The following FSTL5 variants were observed in gnomAD, a reference collection of about 807,000 sequenced individuals.
FSTL5 encodes follistatin-related protein 5.
In FSTL5, 62 loss-of-function variants were observed where a neutral mutation model predicts 89.1. The ratio of observed to expected loss-of-function variants is 0.70; its 90% CI spans 0.57 to 0.86. The LOEUF (loss-of-function observed/expected upper bound fraction) is 0.86. FSTL5 is among the 40% of genes least tolerant of loss of function. The probability of loss-of-function intolerance (pLI) is 0.00; values close to 1 mark genes in which losing one functional copy is unlikely to be tolerated. For missense variants in FSTL5, 1,057 were observed against 1,001.6 expected (o/e 1.06, Z -0.75); for synonymous variants, 383 against 346.2 (o/e 1.11, Z -1.18).
At chr4:162,040,407 T>A (rs181408873) in intron 2 of FSTL5, among the ~76,000 whole-genome samples, 1 of 152,046 alleles carries the variant, frequency 6.6e-6, no homozygotes, top group Non-Finnish European at 1.5e-5. Flanking sequence ...TGAATACTCA[T>A]GAACATGTGA....
At chr4:161,457,871 T>C (rs761411271) in intron 14 of FSTL5, among the ~76,000 whole-genome samples, 2 of 152,166 alleles carry the variant, frequency 1.3e-5, no homozygotes, top group Non-Finnish European at 2.9e-5. Flanking sequence ...GATTGTGCTT[T>C]TTCAATCAAG....
intron 3 of FSTL5, among the ~76,000 whole-genome samples, chr4:161,944,038 TC>T (rs1734669562): frequency 2.0e-5 from 3 of 152,126 alleles, no homozygotes; most frequent in Admixed American, 2.0e-4. Context: ...TAAAATAATT[TC>T]CAACCTTTTA....
At chr4:162,019,167 T>C (rs1042953162) in intron 3 of FSTL5, among the ~76,000 whole-genome samples, 4 of 152,044 alleles carry the variant, frequency 2.6e-5, no homozygotes, top group Non-Finnish European at 5.9e-5. Context: ...TTGAGGGAAA[T>C]GAAATTTTGG....
At chr4:161,907,543 A>C (rs1579184790) in intron 4 of FSTL5, among the ~76,000 whole-genome samples, 1 of 152,228 alleles carries the variant, frequency 6.6e-6, no homozygotes, top group East Asian at 1.9e-4. Context: ...TTTTCTCCTT[A>C]TAATATTCAC....
Position 161,545,958 on chromosome 4 carries a change from C to A in FSTL5, c.1016-3265G>T, listed in dbSNP as rs1218665619. ...TTAAAAAGCCACAAAATTCTGGTAA[C>A]TGGAGTTATTCATCTAGGCTTCCTG... On this transcript the variant is annotated intron_variant, in intron 8 of 15. Transcript: ENST00000306100. 6.8e-4 allele frequency among the ~76,000 whole-genome samples: 103 copies of A among 151,790 alleles called. 1 individual carries two copies. Among genetic ancestry groups the A allele is most frequent in the Admixed American group, 6.7e-3 (102 of 15,164 alleles).
intron 15 of FSTL5, among the ~76,000 whole-genome samples, chr4:161,394,433 GC>G (rs1730932128): frequency 6.6e-6 from 1 of 151,898 alleles, no homozygotes. Context: ...GTGCCACCGT[GC>G]CCGGCAAATT....
intron 15 of FSTL5, among the ~76,000 whole-genome samples, chr4:161,412,846 T>C (rs1226749542): frequency 5.3e-5 from 8 of 152,184 alleles, no homozygotes; most frequent in Non-Finnish European, 1.2e-4. Context: ...TATACAGTGC[T>C]GGGATAACTG....
intron 6 of FSTL5, among the ~76,000 whole-genome samples, chr4:161,693,989 T>G (rs1738047342): frequency 1.3e-5 from 2 of 152,086 alleles, no homozygotes; most frequent in Non-Finnish European, 2.9e-5. Context: ...TATCTCCATT[T>G]TTATTTATTT....
chr4:161,906,398 G>A (rs914935057), intron 4 of FSTL5, among the ~76,000 whole-genome samples: 2 of 152,096 alleles, frequency 1.3e-5, no homozygotes, highest in African/African-American at 4.8e-5. Context: ...AATTGTTCCA[G>A]TTGCTCTAAT....
At chr4:161,875,075 T>C (rs558756617) in intron 4 of FSTL5, among the ~76,000 whole-genome samples, 194 of 152,320 alleles carry the variant, frequency 1.3e-3, no homozygotes, top group African/African-American at 4.6e-3. Context: ...ACTGTATATC[T>C]ACAGATATTA....
chr4:162,033,243 T>G (rs1737605400), intron 3 of FSTL5, among the ~76,000 whole-genome samples: 1 of 152,176 alleles, frequency 6.6e-6, no homozygotes, highest in African/African-American at 2.4e-5. Context: ...ATTAACTAGA[T>G]GGCAGTGACT....
chr4:161,858,612 T>G (rs1731800511), intron 4 of FSTL5, among the ~76,000 whole-genome samples: 1 of 152,236 alleles, frequency 6.6e-6, no homozygotes, highest in South Asian at 2.1e-4. Flanking sequence ...TCTCCACCTT[T>G]GAAATGGTAA....
intron 4 of FSTL5, among the ~76,000 whole-genome samples, chr4:161,904,080 A>AT (rs1733452150): frequency 6.6e-6 from 1 of 152,068 alleles, no homozygotes; most frequent in African/African-American, 2.4e-5. Flanking sequence ...TATTTTATTT[A>AT]TTTTTTTCTA....
At chr4:161,858,997 T>C (rs7681034) in intron 4 of FSTL5, among the ~76,000 whole-genome samples, 77,061 of 152,018 alleles carry the variant, frequency 0.51, 19,640 homozygotes, top group East Asian at 0.63. Context: ...ACTGGGAAAA[T>C]GTCTCAGTAG....
At chr4:161,405,498 T>A (rs190940203) in intron 15 of FSTL5, among the ~76,000 whole-genome samples, 65 of 152,042 alleles carry the variant, frequency 4.3e-4, no homozygotes, top group African/African-American at 1.5e-3. Flanking sequence ...CAGAGGTAAA[T>A]GAAATTACTC....
intron 11 of FSTL5, among the ~76,000 whole-genome samples, chr4:161,502,704 A>G (rs1237557839): frequency 2.0e-5 from 3 of 151,716 alleles, no homozygotes; most frequent in Non-Finnish European, 3.0e-5. Flanking sequence ...TTCTTCCTCA[A>G]AAGTTTTATT....
At chr4:161,967,323 A>T (rs1268039661) in intron 3 of FSTL5, among the ~76,000 whole-genome samples, 2 of 151,982 alleles carry the variant, frequency 1.3e-5, no homozygotes, top group Non-Finnish European at 2.9e-5. Flanking sequence ...AAGAAACAAG[A>T]AAACAGCCTA....
intron 15 of FSTL5, among the ~76,000 whole-genome samples, chr4:161,415,441 G>C (rs1047651596): frequency 6.6e-6 from 1 of 151,978 alleles, no homozygotes; most frequent in Non-Finnish European, 1.5e-5. Context: ...GATTTGTAGA[G>C]ATGGTGTTTC....
In FSTL5 at chr4:161,886,158, C is replaced by A. The variant is rs72691267; in HGVS notation, c.409+34246G>T. Among the ~76,000 whole-genome samples, 970 of 152,242 alleles carry A rather than the reference C, an allele frequency of 6.4e-3. 8 individuals are homozygous for A. The highest frequency in any genetic ancestry group is 0.01 in the Non-Finnish European group (697 of 68,022). On this transcript the variant is annotated intron_variant, in intron 4 of 15. Transcript: ENST00000306100. ...CTATCTGATTTGGGAGAGAGAAAAACAAATACAACACAATTTGAAATTGTC... is the reference window on the plus strand; with the variant it reads ...CTATCTGATTTGGGAGAGAGAAAAAAAAATACAACACAATTTGAAATTGTC...
Sources: gnomAD v4.1 joint callset for allele counts (sites outside exome capture counted in the v4.1 genomes callset) on GRCh38, gnomAD v4.1.1 for gene constraint, MANE v1.5 for transcripts, NCBI Gene and HGNC (gene_info 2026-07-23, HGNC 2026-07-21) for gene names.